The following EBF1 variants were observed in gnomAD, a reference collection of about 807,000 sequenced individuals.
EBF1 encodes the protein transcription factor COE1.
In EBF1, 10 loss-of-function variants were observed where a neutral mutation model predicts 68.4. The ratio of observed to expected loss-of-function variants is 0.15; its 90% CI spans 0.09 to 0.25. The LOEUF (loss-of-function observed/expected upper bound fraction) is 0.25. Among genes scored for constraint, EBF1 ranks in the 10% least tolerant of loss-of-function variants. The pLI is 1.00. For synonymous variants in EBF1, 298 were observed against 299.8 expected (o/e 0.99, Z 0.06); for missense variants, 509 against 794.4 (o/e 0.64, Z 4.32).
chr5:158,840,690 G>C (rs1201724197), intron 6 of EBF1, among the ~76,000 whole-genome samples: 1 of 36,830 alleles, frequency 2.7e-5, no homozygotes, highest in Admixed American at 4.8e-4. Context: ...TTTTTTTTTT[G>C]AGACGGAGTC....
At chr5:158,814,819 A>G (rs1783399188) in intron 8 of EBF1, among the ~76,000 whole-genome samples, 1 of 152,230 alleles carries the variant, frequency 6.6e-6, no homozygotes, top group Non-Finnish European at 1.5e-5. Flanking sequence ...CACAGAAAAT[A>G]TACTAGTCAT....
At chr5:159,015,468 A>T (rs1294914431) in intron 6 of EBF1, among the ~76,000 whole-genome samples, 1 of 152,202 alleles carries the variant, frequency 6.6e-6, no homozygotes, top group Non-Finnish European at 1.5e-5. Context: ...TTCTAGAGAT[A>T]AGGTGAGCGT....
chr5:159,095,333 C>T (rs1446936221), intron 4 of EBF1, among the ~76,000 whole-genome samples: 1 of 152,188 alleles, frequency 6.6e-6, no homozygotes, highest in Admixed American at 6.5e-5. Flanking sequence ...GCTCCCTGGC[C>T]GGGTCAGAGG....
At chr5:158,719,749 T>C (rs1482520604) in intron 11 of EBF1, among the ~76,000 whole-genome samples, 1 of 152,172 alleles carries the variant, frequency 6.6e-6, no homozygotes, top group Non-Finnish European at 1.5e-5. Flanking sequence ...TAGATACCCA[T>C]ACACGAACAC....
intron 10 of EBF1, among the ~76,000 whole-genome samples, chr5:158,743,055 C>A (rs188446527): frequency 6.6e-6 from 1 of 152,208 alleles, no homozygotes; most frequent in African/African-American, 2.4e-5. Context: ...TTGAAAAACT[C>A]TTCTAGGCAC....
intron 6 of EBF1, among the ~76,000 whole-genome samples, chr5:158,849,019 C>T (rs1792098008): frequency 6.6e-6 from 1 of 152,172 alleles, no homozygotes; most frequent in African/African-American, 2.4e-5. Context: ...TGTAGTGATG[C>T]TTCTCATTCA....
At position 158,793,582 on chromosome 5, in the gene EBF1, A is replaced by T. The variant is rs932180795; in HGVS notation, c.909+2763T>A. ...GACTTTTCCTTCCTTTATAAAAAAAATATGGTATAGTTCAAATCCAGTCTC... is the reference window on the plus strand; with the variant it reads ...GACTTTTCCTTCCTTTATAAAAAAATTATGGTATAGTTCAAATCCAGTCTC... On this transcript the variant is annotated intron_variant, in intron 9 of 15. Coordinates refer to ENST00000313708, the MANE Select transcript of EBF1 (RefSeq NM_024007.5). Among the ~76,000 whole-genome samples, 3 of 152,128 alleles carry T rather than the reference A, an allele frequency of 2.0e-5. No homozygotes were observed. The East Asian group carries it at 5.8e-4, about 29-fold the overall frequency.
At chr5:158,835,104 G>T (rs1402152229) in intron 7 of EBF1, among the ~76,000 whole-genome samples, 1 of 152,182 alleles carries the variant, frequency 6.6e-6, no homozygotes, top group Non-Finnish European at 1.5e-5. Context: ...ATGCTAAAAA[G>T]TATAGGTCTT....
At chr5:158,978,937 G>C (rs1757366721) in intron 6 of EBF1, among the ~76,000 whole-genome samples, 1 of 151,444 alleles carries the variant, frequency 6.6e-6, no homozygotes, top group African/African-American at 2.4e-5. Context: ...CGGTGTAGAA[G>C]AAAAATCAAA....
chr5:158,991,058 G>A (rs1760213842), intron 6 of EBF1, among the ~76,000 whole-genome samples: 1 of 152,148 alleles, frequency 6.6e-6, no homozygotes, highest in South Asian at 2.1e-4. Context: ...GGGAAGGGAG[G>A]GAATCATAAA....
chr5:158,974,762 C>G (rs1407076092), intron 6 of EBF1, among the ~76,000 whole-genome samples: 1 of 152,198 alleles, frequency 6.6e-6, no homozygotes, highest in Non-Finnish European at 1.5e-5. Flanking sequence ...AAAACAGCAA[C>G]AATTTCTGAC....
chr5:158,841,870 T>G (rs1242605354), intron 6 of EBF1, among the ~76,000 whole-genome samples: 1 of 152,188 alleles, frequency 6.6e-6, no homozygotes, highest in African/African-American at 2.4e-5. Context: ...AATGCAAACA[T>G]CGTCCTAAAA....
intron 6 of EBF1, among the ~76,000 whole-genome samples, chr5:158,974,181 T>A (rs146653961): frequency 5.7e-4 from 87 of 152,346 alleles, no homozygotes; most frequent in Middle Eastern, 3.4e-3. Flanking sequence ...CTATTCAGAC[T>A]GATTTCTAGC....
intron 6 of EBF1, among the ~76,000 whole-genome samples, chr5:158,991,038 A>T (rs140709718): frequency 2.3e-4 from 35 of 152,366 alleles, no homozygotes; most frequent in African/African-American, 7.9e-4. Flanking sequence ...AAAGAGTAAC[A>T]GACATCGTAG....
At chr5:158,836,466 G>T (rs1418347321) in intron 7 of EBF1, among the ~76,000 whole-genome samples, 1 of 152,140 alleles carries the variant, frequency 6.6e-6, no homozygotes, top group African/African-American at 2.4e-5. Context: ...CAAAAAGGGT[G>T]TAATGTCTGC....
intron 6 of EBF1, among the ~76,000 whole-genome samples, chr5:158,987,849 G>A (rs1237349222): frequency 2.0e-5 from 3 of 152,126 alleles, no homozygotes; most frequent in Non-Finnish European, 4.4e-5. Context: ...TGCAACCAAG[G>A]CTAGATAGTA....
chr5:159,072,554 T>C lies in EBF1; in HGVS notation c.554+842A>G, dbSNP rs532809858. 1.2e-4 allele frequency among the ~76,000 whole-genome samples: 18 copies of C among 152,338 alleles called. No homozygotes were observed. In the South Asian group the frequency reaches 3.7e-3, roughly 32 times the overall value. On this transcript the variant is annotated intron_variant, in intron 6 of 15. Transcript: ENST00000313708. ...GACTCTTTTTCCAGCTAGTACAAGA[T>C]GCTAGCTCTTTTCCTAGCTGACAAT... is the stretch of plus-strand genomic sequence containing the variant.
At chr5:159,043,217 C>A (rs1771610073) in intron 6 of EBF1, among the ~76,000 whole-genome samples, 1 of 152,144 alleles carries the variant, frequency 6.6e-6, no homozygotes, top group Non-Finnish European at 1.5e-5. Context: ...AGGCTTGGAA[C>A]CCTTGTCCAT....
At chr5:158,718,977 A>G (rs1761342705) in intron 11 of EBF1, among the ~76,000 whole-genome samples, 1 of 152,218 alleles carries the variant, frequency 6.6e-6, no homozygotes, top group Non-Finnish European at 1.5e-5. Flanking sequence ...ATGTTTAGCA[A>G]ACCACAAGTC....
Sources: gnomAD v4.1 joint callset for allele counts (sites outside exome capture counted in the v4.1 genomes callset) on GRCh38, gnomAD v4.1.1 for gene constraint, MANE v1.5 for transcripts, NCBI Gene and HGNC (gene_info 2026-07-23, HGNC 2026-07-21) for gene names.